IQGAP2: variants seen among roughly 807,000 people sequenced by gnomAD.
IQGAP2 encodes the protein IQ motif containing GTPase activating protein 2, also known as ras GTPase-activating-like protein IQGAP2.
Under a neutral mutation model 201.3 loss-of-function variants are expected in IQGAP2, and 173 were observed. The ratio of observed to expected loss-of-function variants is 0.86; its 90% confidence interval spans 0.76 to 0.98. The LOEUF is 0.98. IQGAP2 is among the 50% of genes least tolerant of loss of function. The pLI, the probability that IQGAP2 is intolerant of heterozygous loss-of-function variation, is 0.00. For missense variants in IQGAP2, 1,687 were observed against 1,864.8 expected (o/e 0.90, Z 1.76); for synonymous variants, 675 against 673.9 (o/e 1.00, Z -0.03).
intron 14 of IQGAP2, among the ~76,000 whole-genome samples, chr5:76,627,711 C>T (rs1352575458): frequency 1.3e-5 from 2 of 152,122 alleles, no homozygotes; most frequent in African/African-American, 4.8e-5. Flanking sequence ...GAACAAAATC[C>T]AGAAGGTAAA....
chr5:76,654,309 A>G lies in IQGAP2; in HGVS notation c.2250+38A>G, dbSNP rs773280193. Reference sequence around the variant, plus strand: ...CCTGTGGGATTTTATCCAGGTTGATAATGACCTAAATGAATGCTTTATTGA... The same window carrying G: ...CCTGTGGGATTTTATCCAGGTTGATGATGACCTAAATGAATGCTTTATTGA... On this transcript the variant is annotated intron_variant, in intron 19 of 35. Coordinates refer to ENST00000274364, the MANE Select transcript of IQGAP2 (RefSeq NM_006633.5). The G allele has an allele frequency of 4.0e-6, 5 of 1,259,296 alleles. No individual in the cohort carries two copies. In the Admixed American group the frequency reaches 5.8e-5, roughly 15 times the overall value. 78.0% of individuals were successfully genotyped at this position (1,259,296 alleles called of 1,614,324 possible). A position where few individuals can be genotyped will look rare whatever the true frequency, so the allele number is the denominator to read the frequency against.
At chr5:76,588,622 T>C (rs1000942278) in intron 5 of IQGAP2, among the ~76,000 whole-genome samples, 2 of 152,224 alleles carry the variant, frequency 1.3e-5, no homozygotes, top group African/African-American at 2.4e-5. Flanking sequence ...CTGTGTTTCT[T>C]GTTCTCCATA....
chr5:76,610,076 C>CTCTCTCTCTCTATATATATA (rs1326468006), intron 12 of IQGAP2, among the ~76,000 whole-genome samples: 1 of 18,700 alleles, frequency 5.3e-5, no homozygotes, highest in Non-Finnish European at 9.6e-5. Context: ...CTCTCTCTCT[C>CTCTCTCTCTCTATATATATA]TATATATATA....
chr5:76,617,616 G>T, intron 13 of IQGAP2: 1 of 1,613,430 alleles, frequency 6.2e-7, no homozygotes, highest in Non-Finnish European at 8.5e-7. Context: ...GTGATTTCTG[G>T]TTTTTGACAT....
In IQGAP2 at chr5:76,496,700, G is replaced by C. The variant is rs1004901391; in HGVS notation, c.146+35031G>C. 1.1e-4 allele frequency among the ~76,000 whole-genome samples: 8 copies of C among 70,550 alleles called. 1 individual carries two copies. The highest frequency in any genetic ancestry group is 4.1e-4 in the African/African-American group (6 of 14,806). The allele number at this position is 70,550 out of a possible 152,430, so 46.3% of individuals were successfully genotyped here. On this transcript the variant is annotated intron_variant, in intron 2 of 35. Coordinates refer to ENST00000274364, the MANE Select transcript of IQGAP2 (RefSeq NM_006633.5). ...GTACCAAATATTTTTCTTTCTTTCT[G>C]TCTCTTTCTTTCTTTCTTTCTTTCT... is the stretch of plus-strand genomic sequence containing the variant.
chr5:76,435,808 A>G (rs1460645808), intron 1 of IQGAP2, among the ~76,000 whole-genome samples: 1 of 152,196 alleles, frequency 6.6e-6, no homozygotes, highest in African/African-American at 2.4e-5. Context: ...GATTCTTCCA[A>G]TGCATAAGCA....
At chr5:76,575,477 T>A (rs1745407985) in intron 4 of IQGAP2, among the ~76,000 whole-genome samples, 1 of 152,094 alleles carries the variant, frequency 6.6e-6, no homozygotes, top group African/African-American at 2.4e-5. Flanking sequence ...GACCCCACCA[T>A]CCTCCTGTGG....
intron 2 of IQGAP2, among the ~76,000 whole-genome samples, chr5:76,511,122 G>A (rs1757933424): frequency 6.6e-6 from 1 of 152,210 alleles, no homozygotes; most frequent in South Asian, 2.1e-4. Context: ...CTATTATATG[G>A]ACTACATTCT....
At chr5:76,552,840 A>G (rs967318362) in intron 2 of IQGAP2, among the ~76,000 whole-genome samples, 1 of 152,210 alleles carries the variant, frequency 6.6e-6, no homozygotes, top group African/African-American at 2.4e-5. Context: ...AGAGTGAGAC[A>G]TAAGTCCTCT....
intron 2 of IQGAP2, among the ~76,000 whole-genome samples, chr5:76,560,951 A>G (rs1233470492): frequency 3.3e-5 from 5 of 152,358 alleles, no homozygotes; most frequent in South Asian, 2.1e-4. Context: ...AAAGAGATTA[A>G]CAACAGTAAC....
chr5:76,466,275 C>T (rs1754772858), intron 2 of IQGAP2, among the ~76,000 whole-genome samples: 1 of 152,146 alleles, frequency 6.6e-6, no homozygotes, highest in Non-Finnish European at 1.5e-5. Context: ...GCTGAGGATG[C>T]AGTGAGTTAC....
chr5:76,643,077 T>C (rs1641045977), intron 17 of IQGAP2, among the ~76,000 whole-genome samples: 1 of 152,178 alleles, frequency 6.6e-6, no homozygotes, highest in Admixed American at 6.5e-5. Flanking sequence ...GAAAAAGGAA[T>C]GTAACTTGTA....
chr5:76,623,289 A>G (rs999948253), intron 13 of IQGAP2: 2 of 1,585,802 alleles, frequency 1.3e-6, no homozygotes, highest in Non-Finnish European at 1.7e-6. Context: ...CATGGAGCAC[A>G]ATTTCACCTC....
chr5:76,650,706 T>C (rs1243858301), intron 17 of IQGAP2, among the ~76,000 whole-genome samples: 55 of 152,200 alleles, frequency 3.6e-4, no homozygotes, highest in Admixed American at 3.6e-3. Flanking sequence ...ATGTGCCATG[T>C]TGGTTTGCTG....
At chr5:76,554,812 C>T (rs1561459576) in intron 2 of IQGAP2, among the ~76,000 whole-genome samples, 1 of 152,018 alleles carries the variant, frequency 6.6e-6, no homozygotes, top group Non-Finnish European at 1.5e-5. Context: ...TGGGTATATA[C>T]CCAAGGGAAA....
intron 1 of IQGAP2, 82 bp from the exon 2 acceptor site, chr5:76,461,488 A>G (rs1248439006): frequency 3.4e-6 from 3 of 878,858 alleles, no homozygotes; most frequent in Non-Finnish European, 5.5e-6. Flanking sequence ...TCAGCTGCAT[A>G]TGATTTTTTT....
chr5:76,704,883 G>A, intron 35 of IQGAP2, among the ~76,000 whole-genome samples: 1 of 152,158 alleles, frequency 6.6e-6, no homozygotes, highest in Non-Finnish European at 1.5e-5. Flanking sequence ...CAGGACCAAA[G>A]TTTGAAAGGA....
intron 2 of IQGAP2, among the ~76,000 whole-genome samples, chr5:76,529,489 G>A (rs1017914179): frequency 2.0e-5 from 3 of 152,014 alleles, no homozygotes; most frequent in Non-Finnish European, 4.4e-5. Flanking sequence ...TTAGCCTGGT[G>A]TAGTGGCGCA....
intron 17 of IQGAP2, among the ~76,000 whole-genome samples, chr5:76,651,082 T>A: frequency 6.6e-6 from 1 of 152,154 alleles, no homozygotes; most frequent in Non-Finnish European, 1.5e-5. Context: ...TCACCATCTA[T>A]GCTTTCTTTG....
Sources: allele counts gnomAD v4.1 joint callset (sites outside exome capture counted in the v4.1 genomes callset), GRCh38; gene constraint gnomAD v4.1.1; transcripts MANE v1.5; gene names NCBI Gene and HGNC (gene_info 2026-07-23, HGNC 2026-07-21).